The following LAMC1 variants were observed in gnomAD, a reference collection of about 807,000 sequenced individuals.
LAMC1 encodes laminin subunit gamma-1.
Under a neutral mutation model 173.6 loss-of-function variants are expected in LAMC1, and 38 were observed. The observed-to-expected ratio is 0.22, with a 90% CI of 0.17 to 0.29. The LOEUF is 0.29. LAMC1 is among the 10% of genes least tolerant of loss of function. The pLI is 1.00. For missense variants in LAMC1, 1,824 were observed against 2,051.8 expected (o/e 0.89, Z 2.14); for synonymous variants, 746 against 749.1 (o/e 1.00, Z 0.07).
At chr1:183,094,986 C>T (rs1215118375) in intron 1 of LAMC1, among the ~76,000 whole-genome samples, 1 of 152,080 alleles carries the variant, frequency 6.6e-6, no homozygotes, top group Non-Finnish European at 1.5e-5. Flanking sequence ...GCTAGGATTA[C>T]AGGCACCTGC....
At chr1:183,030,522 A>G (rs1653822924) in intron 1 of LAMC1, among the ~76,000 whole-genome samples, 2 of 152,184 alleles carry the variant, frequency 1.3e-5, no homozygotes, top group South Asian at 4.1e-4. Context: ...TTCAAAGCAA[A>G]ACTTTTGAGC....
At chr1:183,037,448 C>G (rs549508503) in intron 1 of LAMC1, among the ~76,000 whole-genome samples, 1 of 152,288 alleles carries the variant, frequency 6.6e-6, no homozygotes, top group Admixed American at 6.5e-5. Flanking sequence ...AAATTCTAAC[C>G]CTTACATGGT....
chr1:183,121,583 T>G (rs1656475210), intron 11 of LAMC1, 140 bp from the exon 12 acceptor site: 7 of 642,022 alleles, frequency 1.1e-5, no homozygotes, highest in Non-Finnish European at 1.9e-5. Flanking sequence ...GATATCTCGT[T>G]TAGTGTATCA....
intron 1 of LAMC1, among the ~76,000 whole-genome samples, chr1:183,045,060 G>T (rs1222650194): frequency 6.6e-6 from 1 of 150,998 alleles, no homozygotes; most frequent in Non-Finnish European, 1.5e-5. Flanking sequence ...AGGAAATTCT[G>T]TTGTCACCTA....
chr1:183,073,835 A>G (rs1002186380), intron 1 of LAMC1, among the ~76,000 whole-genome samples: 1 of 152,244 alleles, frequency 6.6e-6, no homozygotes, highest in African/African-American at 2.4e-5. Context: ...AATTTCAGGT[A>G]TAGAAATTAC....
In LAMC1 at chr1:183,117,361, G is replaced by A. The variant is rs1333419819; in HGVS notation, c.1606G>A (p.Ala536Thr). Reference sequence around the variant, plus strand: ...TGCGGAACAGAGAGATGGCTCTGAAGCATCTCTCGAGTGGTCCTCTGAGAG... The same window carrying A: ...TGCGGAACAGAGAGATGGCTCTGAAACATCTCTCGAGTGGTCCTCTGAGAG... ...WRAEQRDGSEASLEWSSERQD... is the reference protein window; with the variant it reads ...WRAEQRDGSETSLEWSSERQD... Residue 536 changes from alanine to threonine, a missense_variant, in exon 9 of 28, where the codon GCA becomes ACA. Transcript: ENST00000258341. The A allele has an allele frequency of 1.2e-6, 2 of 1,612,820 alleles. No homozygotes were observed. The highest frequency in any genetic ancestry group is 3.3e-5 in the Admixed American group (2 of 59,986).
chr1:183,059,336 A>G (rs1447653309), intron 1 of LAMC1, among the ~76,000 whole-genome samples: 1 of 152,226 alleles, frequency 6.6e-6, no homozygotes, highest in Non-Finnish European at 1.5e-5. Flanking sequence ...TTGGCATCCC[A>G]GACTGGATAA....
At chr1:183,115,998 C>T (rs1387064949) in intron 6 of LAMC1, among the ~76,000 whole-genome samples, 2 of 151,972 alleles carry the variant, frequency 1.3e-5, no homozygotes, top group African/African-American at 2.4e-5. Context: ...GGCGTGGTGG[C>T]GGGCAGCAGT....
intron 1 of LAMC1, among the ~76,000 whole-genome samples, chr1:183,093,533 C>A (rs952349031): frequency 1.3e-5 from 2 of 152,158 alleles, no homozygotes; most frequent in Non-Finnish European, 2.9e-5. Flanking sequence ...TACCTCTTAT[C>A]TATCTATGTC....
Position 183,117,554 on chromosome 1 carries a change from G to A in LAMC1, c.1708G>A (p.Val570Met), listed in dbSNP as rs187809530. ...TCCAGCAAAGTTCTTGGGCAAGCAGGTGTTGAGTTATGGTCAGAACCTCTC... is the reference window on the plus strand; with the variant it reads ...TCCAGCAAAGTTCTTGGGCAAGCAGATGTTGAGTTATGGTCAGAACCTCTC... ...IAPAKFLGKQ[V>M]LSYGQNLSFS... Residue 570 changes from valine (V) to methionine (M), a missense_variant, in exon 10 of 28, where the codon GTG (valine) becomes ATG (methionine). Transcript: ENST00000258341. The A allele has an allele frequency of 5.6e-6, 9 of 1,614,110 alleles. No individual in the cohort carries two copies. The South Asian group carries it at 7.7e-5, about 14-fold the overall frequency.
chr1:183,054,323 T>A (rs1290448747), intron 1 of LAMC1, among the ~76,000 whole-genome samples: 1 of 152,184 alleles, frequency 6.6e-6, no homozygotes, highest in Non-Finnish European at 1.5e-5. Flanking sequence ...CACAGCTATT[T>A]GTGAGGATTC....
chr1:183,135,069 G>A lies in LAMC1; in HGVS notation c.4027G>A (p.Asp1343Asn). The stretch of plus-strand genomic sequence containing the variant: ...CGCAGACCAACTCCTAGCCCGAGCT[G>A]ATGCTGCCAAGGCCCTCGCTGAAGA... ...QTADQLLARA[D>N]AAKALAEEAA... is the part of the protein sequence containing the mutation. Residue 1343 changes from aspartate to asparagine, a missense_variant, in exon 24 of 28, where the codon GAT (aspartate) becomes AAT (asparagine). Physicochemically the swap from Asp to Asn is conservative, Grantham distance 23 (BLOSUM62 1). Transcript: ENST00000258341. 2 of 1,614,132 alleles carry A rather than the reference G, an allele frequency of 1.2e-6. No homozygotes were observed. Among genetic ancestry groups the A allele is most frequent in the Non-Finnish European group, 1.7e-6 (2 of 1,179,966 alleles).
At chr1:183,131,732 G>A (rs1271127597) in intron 20 of LAMC1, among the ~76,000 whole-genome samples, 2 of 152,048 alleles carry the variant, frequency 1.3e-5, no homozygotes. Context: ...TTAGGCATGG[G>A]ATTTGTTTTT....
intron 4 of LAMC1, among the ~76,000 whole-genome samples, chr1:183,113,574 T>C (rs924966277): frequency 6.6e-6 from 1 of 152,208 alleles, no homozygotes; most frequent in African/African-American, 2.4e-5. Context: ...GAAATATGGT[T>C]GTGCCCTGCA....
At chr1:183,062,285 T>C (rs1331465775) in intron 1 of LAMC1, among the ~76,000 whole-genome samples, 1 of 152,238 alleles carries the variant, frequency 6.6e-6, no homozygotes, top group African/African-American at 2.4e-5. Context: ...TGTCAGAACA[T>C]GATAAAAATT....
At chr1:183,033,292 C>A (rs188231041) in intron 1 of LAMC1, among the ~76,000 whole-genome samples, 7 of 152,244 alleles carry the variant, frequency 4.6e-5, no homozygotes, top group African/African-American at 1.7e-4. Context: ...ACCTGCAGAG[C>A]CCTCTCATAC....
At position 183,023,974 on chromosome 1, in the gene LAMC1, C is replaced by T; in HGVS notation, c.258C>T (p.Thr86=). The change falls in exon 1 of 28, where the codon ACC becomes ACT. Residue 86 remains threonine, a synonymous_variant. Transcript: ENST00000258341. ...TGCAGACCGGGGTGACCGGGGTCAC[C>T]AAGTCCTGTCACCTGTGCGACGCCG... ...YCVQTGVTGV[T]KSCHLCDAGQ... 6.2e-7 allele frequency: 1 copy of T among 1,613,254 alleles called. No homozygotes were observed. The highest frequency in any genetic ancestry group is 8.5e-7 in the Non-Finnish European group (1 of 1,179,962).
At chr1:183,041,838 CA>C (rs941642677) in intron 1 of LAMC1, among the ~76,000 whole-genome samples, 2 of 152,208 alleles carry the variant, frequency 1.3e-5, no homozygotes, top group African/African-American at 2.4e-5. Context: ...AGTAGGGGTT[CA>C]AAAAAGTTTG....
intron 2 of LAMC1, among the ~76,000 whole-genome samples, chr1:183,104,655 G>A (rs890926689): frequency 2.0e-5 from 3 of 152,150 alleles, no homozygotes; most frequent in Non-Finnish European, 4.4e-5. Context: ...CCGTTATTAT[G>A]TTCAGGGACT....
Sources: allele counts gnomAD v4.1 joint callset (sites outside exome capture counted in the v4.1 genomes callset), GRCh38; gene constraint gnomAD v4.1.1; transcripts MANE v1.5; gene names NCBI Gene and HGNC (gene_info 2026-07-23, HGNC 2026-07-21).